The following KIAA1755 variants were observed in gnomAD, a reference collection of about 807,000 sequenced individuals.
The protein encoded by KIAA1755 is uncharacterized protein KIAA1755.
KIAA1755 carries 68 observed loss-of-function variants against 91.7 expected under a neutral mutation model. That is an observed-to-expected ratio of 0.74 (90% CI 0.61 to 0.91). The LOEUF is 0.91. Ranked by LOEUF, KIAA1755 falls within the 40% of genes least tolerant of loss-of-function variation. The pLI, the probability that KIAA1755 is intolerant of heterozygous loss-of-function variation, is 0.00. For synonymous variants in KIAA1755, 610 were observed against 604.6 expected (o/e 1.01, Z -0.13); for missense variants, 1,535 against 1,494.4 (o/e 1.03, Z -0.45).
intron 1 of KIAA1755, among the ~76,000 whole-genome samples, chr20:38,258,867 G>C (rs1459928354): frequency 6.6e-6 from 1 of 152,204 alleles, no homozygotes; most frequent in Non-Finnish European, 1.5e-5. Context: ...CCTTTGACAG[G>C]GGGCAGACCA....
At position 38,226,407 on chromosome 20, in the gene KIAA1755, G is replaced by A. The variant is rs187624219; in HGVS notation, c.2053-626C>T. Among the ~76,000 whole-genome samples, 413 of 152,150 alleles carry A rather than the reference G, an allele frequency of 2.7e-3. 2 individuals carry two copies. The highest frequency in any genetic ancestry group is 9.3e-3 in the African/African-American group (386 of 41,510). On this transcript the variant is annotated intron_variant, in intron 7 of 13. Transcript: ENST00000279024. ...GTGTGGTCCATGGGCCAGCATCGCC[G>A]GCATCACCTAGGACATGTTGGAAAT... is the stretch of plus-strand genomic sequence containing the variant.
intron 1 of KIAA1755, among the ~76,000 whole-genome samples, chr20:38,259,836 A>T (rs2076412880): frequency 6.6e-6 from 1 of 151,232 alleles, no homozygotes; most frequent in Non-Finnish European, 1.5e-5. Context: ...ACACACACAC[A>T]CACACACACA....
At chr20:38,259,055 G>A (rs1008706711) in intron 1 of KIAA1755, among the ~76,000 whole-genome samples, 3 of 152,098 alleles carry the variant, frequency 2.0e-5, no homozygotes, top group African/African-American at 7.2e-5. Context: ...TTTCTGGGTG[G>A]GGTGACCTTG....
At chr20:38,215,662 T>C (rs1421856162) in intron 13 of KIAA1755, among the ~76,000 whole-genome samples, 1 of 152,128 alleles carries the variant, frequency 6.6e-6, no homozygotes, top group South Asian at 2.1e-4. Context: ...CTTCCCAGGC[T>C]GAGGGAACAG....
At chr20:38,246,694 CT>C (rs1039137777) in intron 1 of KIAA1755, among the ~76,000 whole-genome samples, 4 of 152,200 alleles carry the variant, frequency 2.6e-5, no homozygotes, top group African/African-American at 7.2e-5. Context: ...AAGTCCACGG[CT>C]GCAGACTGTA....
At chr20:38,222,658 G>A (rs541455557) in intron 9 of KIAA1755, 61 bp from the exon 10 acceptor site, 28 of 1,554,930 alleles carry the variant, frequency 1.8e-5, no homozygotes, top group Admixed American at 3.5e-5. Flanking sequence ...AACCTTCCAA[G>A]GCTCCCCACA....
chr20:38,218,435 T>C, intron 11 of KIAA1755, 69 bp from the exon 12 acceptor site: 2 of 1,590,802 alleles, frequency 1.3e-6, no homozygotes, highest in South Asian at 2.3e-5. Context: ...GCTCCCCCAC[T>C]TCCTTGCAGG....
At chr20:38,239,877 A>C (rs1044144828) in intron 3 of KIAA1755, 152 bp from the exon 4 acceptor site, 1 of 741,042 alleles carries the variant, frequency 1.3e-6, no homozygotes, top group African/African-American at 1.8e-5. Context: ...CCTTACTTCT[A>C]GTGTTACCCC....
intron 1 of KIAA1755, among the ~76,000 whole-genome samples, chr20:38,249,543 A>C (rs970584654): frequency 3.9e-5 from 6 of 152,168 alleles, no homozygotes; most frequent in African/African-American, 1.4e-4. Flanking sequence ...TAGCCCACAC[A>C]GTGCTGGGCG....
chr20:38,254,351 G>GA (rs141031019), intron 1 of KIAA1755, among the ~76,000 whole-genome samples: 15,217 of 149,784 alleles, frequency 0.1, 1,129 homozygotes, highest in African/African-American at 0.21. Context: ...GTTCCTTGGG[G>GA]AAAAAAAAAA....
chr20:38,249,991 G>C (rs2076219984), intron 1 of KIAA1755, among the ~76,000 whole-genome samples: 1 of 152,136 alleles, frequency 6.6e-6, no homozygotes, highest in Non-Finnish European at 1.5e-5. Flanking sequence ...TTCCCTCTCT[G>C]GGCCTCTTTC....
At chr20:38,241,992 C>T (rs2076077942) in intron 2 of KIAA1755, 63 bp from the exon 3 acceptor site, 2 of 1,504,564 alleles carry the variant, frequency 1.3e-6, no homozygotes. Context: ...CTTGGATTTG[C>T]TCCTTTCCCT....
At chr20:38,259,487 GT>G (rs1366930476) in intron 1 of KIAA1755, among the ~76,000 whole-genome samples, 7 of 151,136 alleles carry the variant, frequency 4.6e-5, no homozygotes, top group Non-Finnish European at 7.4e-5. Flanking sequence ...GTGTGTGCAT[GT>G]GTACGTGTGT....
rs199872523 is a variant in KIAA1755, at chr20:38,213,647, G to A, written c.2998C>T (p.Arg1000Cys). The A allele has an allele frequency of 2.4e-4, 386 of 1,609,124 alleles. 2 individuals carry two copies. The South Asian group carries it at 2.7e-3, about 11-fold the overall frequency. The change falls in exon 14 of 14, where the codon CGC (arginine) becomes TGC (cysteine). Residue 1000 changes from arginine (R) to cysteine (C), a missense_variant. By Grantham distance (180) the Arg-to-Cys change is radical (BLOSUM62 -3). Transcript: ENST00000279024. ...TCAGATGCCAGTCGCTGCAGGTAGC[G>A]GTGGAGGCGGCGCTGGTCCCCAGGA... ...VSPGDQRRLH[R>C]YLQRLASEFP...
At chr20:38,218,157 C>T (rs2075585018) in intron 12 of KIAA1755, 87 bp downstream of exon 12, 2 of 1,565,980 alleles carry the variant, frequency 1.3e-6, no homozygotes, top group Admixed American at 1.7e-5. Flanking sequence ...CTCTTTCCCA[C>T]CTCCACAGCT....
rs755452226 is a variant in KIAA1755, at chr20:38,217,334, C to T, written c.2820G>A (p.Glu940=). 2 of 1,612,436 alleles carry T rather than the reference C, an allele frequency of 1.2e-6. No individual in the cohort carries two copies. Among genetic ancestry groups the T allele is most frequent in the Non-Finnish European group, 1.7e-6 (2 of 1,179,440 alleles). Residue 940 remains glutamate (E), a synonymous_variant, in exon 13 of 14, where the codon GAG becomes GAA. Transcript: ENST00000279024. ...CGGCCGCCATGTAAAAGTGGGTCAG[C>T]TCAGCCTGGAAGGCCCGCTGGGTAG... ...FASTQRAFQA[E]LTHFYMAAER... is the part of the protein sequence containing the mutation.
In KIAA1755 at chr20:38,211,475, G is replaced by A. The variant is rs1386766552; in HGVS notation, c.*1567C>T. ...GGGGCCACTCTGGCCAGTATGAAGG[G>A]TGGGGCTTCTGGATGCTCCATCTAA... On this transcript the variant is annotated 3_prime_UTR_variant, in exon 14 of 14. Transcript: ENST00000279024. The A allele has an allele frequency of 6.6e-6, 1 of 152,350 alleles. No individual in the cohort carries two copies. Among genetic ancestry groups the A allele is most frequent in the Non-Finnish European group, 1.5e-5 (1 of 68,146 alleles). 9.4% of individuals were successfully genotyped at this position (152,350 alleles called of 1,614,324 possible). A position where few individuals can be genotyped will look rare whatever the true frequency, so the allele number is the denominator to read the frequency against.
chr20:38,243,423 T>C (rs531205773), intron 2 of KIAA1755, among the ~76,000 whole-genome samples: 1 of 152,368 alleles, frequency 6.6e-6, no homozygotes, highest in Non-Finnish European at 1.5e-5. Context: ...TGCAACATGC[T>C]TTCTCTCTCA....
At chr20:38,242,269 T>C (rs6024239) in intron 2 of KIAA1755, among the ~76,000 whole-genome samples, 9,427 of 152,220 alleles carry the variant, frequency 0.062, 495 homozygotes, top group African/African-American at 0.14. Context: ...CCAATTCAAG[T>C]CTTAGCCCTC....
Sources: gnomAD v4.1 joint callset for allele counts (sites outside exome capture counted in the v4.1 genomes callset) on GRCh38, gnomAD v4.1.1 for gene constraint, MANE v1.5 for transcripts, NCBI Gene and HGNC (gene_info 2026-07-23, HGNC 2026-07-21) for gene names.